Variants in GRID1 observed in about 807,000 individuals in gnomAD.
The protein encoded by GRID1 is glutamate receptor ionotropic, delta-1.
In GRID1, 28 loss-of-function variants were observed where a neutral mutation model predicts 98.0. The ratio of observed to expected loss-of-function variants is 0.29; its 90% CI spans 0.21 to 0.39. The LOEUF is 0.39. Ranked by LOEUF, GRID1 falls within the 10% of genes least tolerant of loss-of-function variation. GRID1 has a pLI of 1.00. For missense variants in GRID1, 1,111 were observed against 1,340.5 expected (o/e 0.83, Z 2.67); for synonymous variants, 553 against 538.5 (o/e 1.03, Z -0.37).
At chr10:85,929,554 A>T (rs943012947) in intron 4 of GRID1, among the ~76,000 whole-genome samples, 1 of 152,226 alleles carries the variant, frequency 6.6e-6, no homozygotes, top group African/African-American at 2.4e-5. Flanking sequence ...AATATCAAAA[A>T]CTGGCAAGAG....
intron 8 of GRID1, among the ~76,000 whole-genome samples, chr10:85,750,908 T>C (rs1842039969): frequency 6.6e-6 from 1 of 152,148 alleles, no homozygotes; most frequent in African/African-American, 2.4e-5. Flanking sequence ...GATATAACAG[T>C]AGGCAGCATT....
At chr10:85,820,311 C>G (rs1011835624) in intron 8 of GRID1, among the ~76,000 whole-genome samples, 11 of 152,116 alleles carry the variant, frequency 7.2e-5, no homozygotes, top group Middle Eastern at 3.4e-3. Context: ...GAGGAAAGAG[C>G]CACGATGACT....
chr10:86,078,431 T>A (rs1323645713), intron 4 of GRID1, among the ~76,000 whole-genome samples: 1 of 152,234 alleles, frequency 6.6e-6, no homozygotes, highest in East Asian at 1.9e-4. Context: ...GCACAGACAG[T>A]GGGTGGAACG....
chr10:86,100,410 TA>T (rs1208839899), intron 4 of GRID1, among the ~76,000 whole-genome samples: 5 of 148,638 alleles, frequency 3.4e-5, no homozygotes, highest in African/African-American at 7.4e-5. Flanking sequence ...GATATAGGAT[TA>T]AAAAAAAAAC....
At chr10:85,822,484 T>A (rs927702589) in intron 8 of GRID1, among the ~76,000 whole-genome samples, 1 of 151,998 alleles carries the variant, frequency 6.6e-6, no homozygotes, top group East Asian at 1.9e-4. Context: ...AAAACCACAA[T>A]GAGATACCAT....
intron 12 of GRID1, among the ~76,000 whole-genome samples, chr10:85,698,727 G>T (rs1841420332): frequency 6.6e-6 from 1 of 152,330 alleles, no homozygotes; most frequent in South Asian, 2.1e-4. Flanking sequence ...GCTGTGTTTT[G>T]TAAGAAACTG....
chr10:86,029,333 A>C (rs1340585845), intron 4 of GRID1, among the ~76,000 whole-genome samples: 2 of 152,210 alleles, frequency 1.3e-5, no homozygotes, highest in East Asian at 3.9e-4. Flanking sequence ...TGCCTTCAAA[A>C]TACATCCAAA....
At chr10:85,909,387 A>T (rs1265263172) in intron 5 of GRID1, among the ~76,000 whole-genome samples, 3 of 152,198 alleles carry the variant, frequency 2.0e-5, no homozygotes, top group Admixed American at 6.5e-5. Flanking sequence ...TGGCAATTCC[A>T]CTTGTAGGTA....
At chr10:85,898,386 C>T (rs1268339716) in intron 5 of GRID1, among the ~76,000 whole-genome samples, 3 of 152,096 alleles carry the variant, frequency 2.0e-5, no homozygotes, top group Non-Finnish European at 4.4e-5. Context: ...GAACACTAAA[C>T]ATAGGCAACA....
chr10:85,860,878 A>G (rs1266587583), intron 6 of GRID1, among the ~76,000 whole-genome samples: 1 of 152,160 alleles, frequency 6.6e-6, no homozygotes, highest in African/African-American at 2.4e-5. Flanking sequence ...ATACAGTGTG[A>G]TCTGGGCCCC....
intron 8 of GRID1, among the ~76,000 whole-genome samples, chr10:85,736,117 G>T (rs1303017627): frequency 7.0e-6 from 1 of 143,388 alleles, no homozygotes; most frequent in Non-Finnish European, 1.5e-5. Context: ...AAGGAACGAA[G>T]GAGGGAGGGA....
chr10:86,201,196 TA>T (rs1845945944), intron 3 of GRID1, among the ~76,000 whole-genome samples: 1 of 152,100 alleles, frequency 6.6e-6, no homozygotes, highest in East Asian at 1.9e-4. Context: ...AGTAGATAAA[TA>T]AATCAGGGCA....
chr10:86,238,760 G>A (rs1340188112), intron 2 of GRID1, among the ~76,000 whole-genome samples: 1 of 152,082 alleles, frequency 6.6e-6, no homozygotes, highest in Admixed American at 6.6e-5. Context: ...GGCTTCCACA[G>A]GTGTTAAACC....
At chr10:85,651,203 A>G (rs963786698) in intron 12 of GRID1, among the ~76,000 whole-genome samples, 3 of 152,236 alleles carry the variant, frequency 2.0e-5, no homozygotes, top group African/African-American at 7.2e-5. Context: ...ATTAATGATC[A>G]CAGACATATA....
chr10:86,106,512 G>A (rs1397292116), intron 4 of GRID1, among the ~76,000 whole-genome samples: 1 of 151,390 alleles, frequency 6.6e-6, no homozygotes, highest in Admixed American at 6.6e-5. Context: ...GGGAGAATGG[G>A]CCTGCTTCAG....
At chr10:86,205,166 AGAG>A (rs1477723423) in intron 3 of GRID1, among the ~76,000 whole-genome samples, 1 of 152,266 alleles carries the variant, frequency 6.6e-6, no homozygotes, top group Non-Finnish European at 1.5e-5. Context: ...TTCCAGTCTT[AGAG>A]AAGAAGAGTA....
At chr10:85,854,212 C>G (rs1843086652) in intron 8 of GRID1, among the ~76,000 whole-genome samples, 1 of 152,166 alleles carries the variant, frequency 6.6e-6, no homozygotes, top group South Asian at 2.1e-4. Flanking sequence ...TTATAGCCTC[C>G]ATGCAGCCCC....
chr10:86,308,606 C>G lies in GRID1; in HGVS notation c.235+55335G>C, dbSNP rs537765745. ...TCCAATGGGAAGTATGTTAAATACA[C>G]TTGGTTAGAGGATCTCTTAATCCAT... On this transcript the variant is annotated intron_variant, in intron 2 of 15. Transcript: ENST00000327946. Among the ~76,000 whole-genome samples the G allele has an allele frequency of 9.2e-5, 14 of 152,296 alleles. No individual in the cohort carries two copies. The East Asian group carries it at 2.5e-3, about 27-fold the overall frequency.
At chr10:86,324,184 A>AC (rs1848011166) in intron 2 of GRID1, among the ~76,000 whole-genome samples, 1 of 152,152 alleles carries the variant, frequency 6.6e-6, no homozygotes, top group African/African-American at 2.4e-5. Flanking sequence ...TCTCAAAAAA[A>AC]AAAAATTGGT....
Sources: allele counts gnomAD v4.1 joint callset (sites outside exome capture counted in the v4.1 genomes callset), GRCh38; gene constraint gnomAD v4.1.1; transcripts MANE v1.5; gene names NCBI Gene and HGNC (gene_info 2026-07-23, HGNC 2026-07-21).